CCDC149: variants seen among roughly 807,000 people sequenced by gnomAD.
CCDC149 encodes coiled-coil domain-containing protein 149.
In CCDC149, 45 loss-of-function variants were observed where a neutral mutation model predicts 59.9. The ratio of observed to expected loss-of-function variants is 0.75; its 90% CI spans 0.59 to 0.96. The LOEUF (loss-of-function observed/expected upper bound fraction) is 0.96, where lower values mean the gene tolerates loss of function less well. CCDC149 is among the 40% of genes least tolerant of loss of function. CCDC149 has a pLI of 0.00. For missense variants in CCDC149, 584 were observed against 664.7 expected (o/e 0.88, Z 1.33); for synonymous variants, 245 against 260.6 (o/e 0.94, Z 0.58).
chr4:24,839,468 C>T (rs1716801058), intron 4 of CCDC149, among the ~76,000 whole-genome samples: 1 of 152,208 alleles, frequency 6.6e-6, no homozygotes, highest in African/African-American at 2.4e-5. Flanking sequence ...CATAAGCCAC[C>T]GTGCCCGGCC....
At chr4:24,833,250 T>C (rs1357250549) in intron 8 of CCDC149, among the ~76,000 whole-genome samples, 1 of 152,162 alleles carries the variant, frequency 6.6e-6, no homozygotes, top group African/African-American at 2.4e-5. Context: ...ACCCGGCTTT[T>C]TTCACTTAAC....
intron 1 of CCDC149, among the ~76,000 whole-genome samples, chr4:24,942,180 T>C (rs540631858): frequency 6.6e-6 from 1 of 152,044 alleles, no homozygotes; most frequent in African/African-American, 2.4e-5. Flanking sequence ...CAGCAACACA[T>C]CAAAAAGCTT....
intron 1 of CCDC149, among the ~76,000 whole-genome samples, chr4:24,891,622 T>C (rs1720532907): frequency 6.6e-6 from 1 of 152,236 alleles, no homozygotes; most frequent in African/African-American, 2.4e-5. Flanking sequence ...CAAGATCTAA[T>C]ACTAAATTAA....
intron 1 of CCDC149, among the ~76,000 whole-genome samples, chr4:24,961,765 AG>A (rs1480073428): frequency 6.6e-6 from 1 of 152,240 alleles, no homozygotes; most frequent in African/African-American, 2.4e-5. Flanking sequence ...ATATGTAGAA[AG>A]CTGAAACTGG....
intron 3 of CCDC149, among the ~76,000 whole-genome samples, chr4:24,872,834 G>T (rs1719129704): frequency 1.3e-5 from 2 of 150,654 alleles, no homozygotes; most frequent in Admixed American, 1.3e-4. Context: ...TGCACCCATA[G>T]AAGACTATAC....
chr4:24,955,694 A>G (rs1723445315), intron 1 of CCDC149, among the ~76,000 whole-genome samples: 1 of 152,230 alleles, frequency 6.6e-6, no homozygotes. Context: ...AGAGACAGAA[A>G]GTAGAAGGGT....
intron 1 of CCDC149, among the ~76,000 whole-genome samples, chr4:24,933,989 C>T (rs1260249464): frequency 6.6e-6 from 1 of 152,226 alleles, no homozygotes; most frequent in Non-Finnish European, 1.5e-5. Context: ...AGGGCTCCTT[C>T]ATGTGTATGC....
intron 1 of CCDC149, among the ~76,000 whole-genome samples, chr4:24,954,910 T>C (rs1417406583): frequency 2.0e-5 from 3 of 152,252 alleles, no homozygotes; most frequent in Non-Finnish European, 4.4e-5. Flanking sequence ...ATTTACATGG[T>C]TAAACTGAGA....
downstream of CCDC149, among the ~76,000 whole-genome samples, chr4:24,803,928 G>A (rs1003299830): frequency 5.9e-5 from 9 of 152,144 alleles, no homozygotes; most frequent in South Asian, 2.1e-4. The surrounding 1 kb of genome is among the most constrained non-coding windows in gnomAD (Gnocchi z 4.3). Flanking sequence ...ATTGAGAGAC[G>A]GGTCTTTCCT....
chr4:24,978,213 A>C lies in CCDC149; in HGVS notation c.-65+1856T>G, dbSNP rs1447758982. Among the ~76,000 whole-genome samples, 13 of 152,342 alleles carry C rather than the reference A, an allele frequency of 8.5e-5. No homozygotes were observed. The East Asian group carries it at 2.5e-3, about 29-fold the overall frequency. ...ACTACCTGCTGTTACTGAGCATGTA[A>C]AATGTGGCTAGTCTGAGCTGAAATG... On this transcript the variant is annotated intron_variant, in intron 1 of 12. Transcript: ENST00000389609.
At chr4:24,852,925 G>A (rs1717754651) in intron 4 of CCDC149, 147 bp downstream of exon 4, 6 of 613,264 alleles carry the variant, frequency 9.8e-6, no homozygotes, top group South Asian at 2.1e-5. Context: ...GGTAAGATAC[G>A]CTAAACTGCG....
At chr4:24,967,640 A>G (rs1434173521) in intron 1 of CCDC149, among the ~76,000 whole-genome samples, 1 of 149,660 alleles carries the variant, frequency 6.7e-6, no homozygotes, top group Admixed American at 6.7e-5. Flanking sequence ...GCATAGCCCC[A>G]CCATATGTCA....
intron 1 of CCDC149, among the ~76,000 whole-genome samples, chr4:24,960,718 G>A (rs1341050255): frequency 6.6e-6 from 1 of 152,160 alleles, no homozygotes; most frequent in African/African-American, 2.4e-5. Flanking sequence ...AATCCTAAAT[G>A]TTTAAGCTTC....
chr4:24,808,832 C>A lies in CCDC149; in HGVS notation c.1193-13G>T, dbSNP rs756080842. 2.0e-6 allele frequency: 3 copies of A among 1,536,898 alleles called. No homozygotes were observed. In the South Asian group the frequency reaches 3.7e-5, roughly 19 times the overall value. On this transcript the variant is annotated splice_polypyrimidine_tract_variant and intron_variant, in intron 12 of 12. Coordinates refer to ENST00000635206, the MANE Select transcript of CCDC149 (RefSeq NM_001330643.2). ...TTCTGAGCCTCCCCTGAAAACAGAA[C>A]GAGGACAACATTAAACCTCTGGCAG...
At chr4:24,947,535 C>T (rs1723152414) in intron 1 of CCDC149, among the ~76,000 whole-genome samples, 1 of 152,148 alleles carries the variant, frequency 6.6e-6, no homozygotes, top group South Asian at 2.1e-4. Context: ...GAACTCCTCC[C>T]TCCTAACCTA....
chr4:24,906,667 G>T (rs958506500), intron 1 of CCDC149, among the ~76,000 whole-genome samples: 1 of 151,942 alleles, frequency 6.6e-6, no homozygotes, highest in Non-Finnish European at 1.5e-5. Flanking sequence ...CAAAGTCCTG[G>T]GATTATAGAC....
chr4:24,896,227 C>T (rs115390308), intron 1 of CCDC149, among the ~76,000 whole-genome samples: 1 of 152,170 alleles, frequency 6.6e-6, no homozygotes, highest in Non-Finnish European at 1.5e-5. Context: ...GTCATTACCA[C>T]CTGCTCAGTC....
At chr4:24,895,323 A>G (rs1200943264) in intron 1 of CCDC149, among the ~76,000 whole-genome samples, 1 of 152,186 alleles carries the variant, frequency 6.6e-6, no homozygotes, top group African/African-American at 2.4e-5. Context: ...TACACTTAAA[A>G]TGTGTGCCTC....
chr4:24,914,535 C>T (rs528800660), upstream of CCDC149, among the ~76,000 whole-genome samples: 17 of 152,244 alleles, frequency 1.1e-4, no homozygotes, highest in Admixed American at 2.6e-4. Context: ...TCAACCATCA[C>T]CAGATGTGTG....
Sources: allele counts gnomAD v4.1 joint callset (sites outside exome capture counted in the v4.1 genomes callset), GRCh38; gene constraint gnomAD v4.1.1; non-coding constraint Gnocchi (gnomAD v3.1); transcripts MANE v1.5; gene names NCBI Gene and HGNC (gene_info 2026-07-23, HGNC 2026-07-21).